Variants in ABCC4 observed in about 807,000 individuals in gnomAD.
ABCC4 encodes the protein ATP binding cassette subfamily C member 4 (PEL blood group).
A neutral mutation model predicts 168.5 loss-of-function variants in ABCC4; 102 were observed. That is an observed-to-expected ratio of 0.61 (90% confidence interval 0.52 to 0.71). ABCC4 has a LOEUF of 0.71. ABCC4 is among the 30% of genes least tolerant of loss of function. ABCC4 has a pLI of 0.00. For synonymous variants in ABCC4, 617 were observed against 590.7 expected, an observed-to-expected ratio of 1.04 and a Z score of -0.65; for missense variants, 1,402 against 1,605.8, an observed-to-expected ratio of 0.87 and a Z score of 2.17.
chr13:95,126,845 CAA>C (rs2035796821), intron 19 of ABCC4, among the ~76,000 whole-genome samples: 1 of 136,970 alleles, frequency 7.3e-6, no homozygotes, highest in Non-Finnish European at 1.6e-5. Context: ...TTAAGTACAC[CAA>C]ATATATATAT....
intron 4 of ABCC4, among the ~76,000 whole-genome samples, chr13:95,228,729 GCTCTAGCCTGGGCGACAGAGCAAGA>G (rs1299310514): frequency 6.7e-6 from 1 of 150,054 alleles, no homozygotes; most frequent in Non-Finnish European, 1.5e-5. Context: ...ATGCCACTGT[GCTCTAGCCTGGGCGACAGAGCAAGA>G]CTCTGTCTTG....
intron 26 of ABCC4, 34 bp from the exon 27 acceptor site, chr13:95,053,218 A>G (rs1486835012): frequency 1.3e-6 from 2 of 1,526,594 alleles, no homozygotes; most frequent in Non-Finnish European, 1.8e-6. Flanking sequence ...TCATTACCAC[A>G]GACTCTTTTT....
At chr13:95,290,853 C>T (rs912271723) in intron 1 of ABCC4, among the ~76,000 whole-genome samples, 4 of 147,172 alleles carry the variant, frequency 2.7e-5, no homozygotes, top group Non-Finnish European at 4.5e-5. Context: ...AAAAATTAGC[C>T]GGGTGTGGTG....
At position 95,166,219 on chromosome 13, in the gene ABCC4, G is replaced by T; in HGVS notation, c.1973C>A (p.Ser658Ter). ...TLRNRTFSES[S>*]VWSQQSSRPS... is the part of the protein sequence containing the mutation. ...TCTAGAAGATTGTTGAGACCAAACCGAAGACTCTGAGAAGGTACGATTCCT... is the reference window on the plus strand; with the variant it reads ...TCTAGAAGATTGTTGAGACCAAACCTAAGACTCTGAGAAGGTACGATTCCT... The change falls in exon 15 of 31, where the codon TCG becomes TAG. Residue 658 changes from serine (S) to a stop codon, truncating the protein, a stop_gained. Coordinates refer to ENST00000645237, the MANE Select transcript of ABCC4 (RefSeq NM_005845.5). LOFTEE classifies it high-confidence loss of function. 6.2e-7 allele frequency: 1 copy of T among 1,614,134 alleles called. No homozygotes were observed. The highest frequency in any genetic ancestry group is 8.5e-7 in the Non-Finnish European group (1 of 1,180,018).
At chr13:95,182,876 G>A (rs1045317444) in intron 11 of ABCC4, among the ~76,000 whole-genome samples, 2 of 152,080 alleles carry the variant, frequency 1.3e-5, no homozygotes, top group Admixed American at 6.6e-5. Flanking sequence ...CATTTGCTAC[G>A]ATATCTCTTT....
At chr13:95,295,425 C>G (rs561449050) in intron 1 of ABCC4, among the ~76,000 whole-genome samples, 2 of 152,012 alleles carry the variant, frequency 1.3e-5, no homozygotes, top group African/African-American at 4.8e-5. Flanking sequence ...TTTGGGAGGC[C>G]GAGGTGGGTA....
intron 23 of ABCC4, 186 bp from the exon 24 acceptor site, chr13:95,073,490 T>G (rs1389509768): frequency 2.5e-6 from 1 of 400,872 alleles, no homozygotes; most frequent in African/African-American, 2.0e-5. Context: ...ACACTGTATA[T>G]TTAGAAAAAT....
At chr13:95,095,884 G>T (rs2034579666) in intron 20 of ABCC4, 1 of 347,916 alleles carries the variant, frequency 2.9e-6, no homozygotes, top group Non-Finnish European at 5.1e-6. Context: ...CTACAAATCA[G>T]TAAGAAAAAC....
rs2139202174 is a variant in ABCC4 at position 95,026,229 on chromosome 13, ACT to A, written c.3871-4549_3871-4548del. On this transcript the variant is annotated intron_variant, in intron 30 of 30. Transcript: ENST00000645237. ...ACTCCAGTTTGTGGAATAGACGGAG[ACT>A]CTGTCTCAAAAAAGGGAAAATAAAA... Among the ~76,000 whole-genome samples, 3 of 152,104 alleles carry A rather than the reference ACT, an allele frequency of 2.0e-5. No homozygotes were observed. The East Asian group carries it at 5.8e-4, about 29-fold the overall frequency.
At chr13:95,196,723 A>C in intron 8 of ABCC4, among the ~76,000 whole-genome samples, 1 of 103,410 alleles carries the variant, frequency 9.7e-6, no homozygotes, top group Non-Finnish European at 2.4e-5. Flanking sequence ...GAAGGAAGGA[A>C]GGAAGGAAGA....
At chr13:95,192,219 C>G (rs1294266011) in intron 9 of ABCC4, among the ~76,000 whole-genome samples, 2 of 152,202 alleles carry the variant, frequency 1.3e-5, no homozygotes. Context: ...AGGACTGCTG[C>G]TGGGGTCTCT....
At position 95,091,232 on chromosome 13, in the gene ABCC4, A is replaced by G. The variant is rs117894524; in HGVS notation, c.2536-7942T>C. Among the ~76,000 whole-genome samples the G allele has an allele frequency of 3.5e-3, 526 of 152,354 alleles. 2 individuals are homozygous for G. Among genetic ancestry groups the G allele is most frequent in the Non-Finnish European group, 6.0e-3 (405 of 68,028 alleles). ...GCTTGGAAAACATATTTGGGCAAAT[A>G]ATCGAGGAAAACTTCTTCAGCCTTG... On this transcript the variant is annotated intron_variant, in intron 20 of 30. Transcript: ENST00000645237.
At chr13:95,283,402 T>C (rs1363524634) in intron 1 of ABCC4, among the ~76,000 whole-genome samples, 1 of 136,916 alleles carries the variant, frequency 7.3e-6, no homozygotes, top group African/African-American at 2.7e-5. Flanking sequence ...GACAGGGTCT[T>C]GCTGTCTCCC....
At chr13:95,267,150 G>A (rs1338650456) in intron 1 of ABCC4, among the ~76,000 whole-genome samples, 1 of 152,064 alleles carries the variant, frequency 6.6e-6, no homozygotes, top group African/African-American at 2.4e-5. Context: ...CCAAAGTGCT[G>A]GGACTACAGG....
At chr13:95,233,304 A>G (rs9524855) in intron 4 of ABCC4, among the ~76,000 whole-genome samples, 24,867 of 121,344 alleles carry the variant, frequency 0.2, 2,785 homozygotes, top group Non-Finnish European at 0.28. Flanking sequence ...TTTAAAGTAC[A>G]TGGGAGTGCA....
At chr13:95,088,196 T>C (rs2034318684) in intron 20 of ABCC4, among the ~76,000 whole-genome samples, 2 of 152,212 alleles carry the variant, frequency 1.3e-5, no homozygotes, top group Admixed American at 1.3e-4. Flanking sequence ...ATGGTTTCCT[T>C]TGTACATTTT....
At chr13:95,163,491 G>A in intron 17 of ABCC4, 119 bp downstream of exon 17, 1 of 991,864 alleles carries the variant, frequency 1.0e-6, no homozygotes, top group Non-Finnish European at 1.5e-6. Flanking sequence ...TTTTCTTCGG[G>A]TAAACGAAGT....
chr13:95,229,953 G>T (rs1361822574), intron 4 of ABCC4, among the ~76,000 whole-genome samples: 2 of 152,176 alleles, frequency 1.3e-5, no homozygotes, highest in African/African-American at 2.4e-5. Context: ...CTTGAAGATG[G>T]ACACATCCCC....
chr13:95,196,925 C>A (rs1420693061), intron 8 of ABCC4, among the ~76,000 whole-genome samples: 1 of 152,154 alleles, frequency 6.6e-6, no homozygotes, highest in Non-Finnish European at 1.5e-5. Context: ...ATAATAACCA[C>A]CATGCTTCAA....
Sources: gnomAD v4.1 joint callset for allele counts (sites outside exome capture counted in the v4.1 genomes callset) on GRCh38, gnomAD v4.1.1 for gene constraint, MANE v1.5 for transcripts, NCBI Gene and HGNC (gene_info 2026-07-23, HGNC 2026-07-21) for gene names.